Variants in TMTC2 observed in about 807,000 individuals in gnomAD.
The protein encoded by TMTC2 is protein O-mannosyl-transferase TMTC2.
TMTC2 carries 43 observed loss-of-function variants against 82.4 expected under a neutral mutation model. That is an observed-to-expected ratio of 0.52 (90% confidence interval 0.41 to 0.67). The LOEUF (loss-of-function observed/expected upper bound fraction) is 0.67, where lower values mean the gene tolerates loss of function less well. Ranked by LOEUF, TMTC2 falls within the 30% of genes least tolerant of loss-of-function variation. The probability of loss-of-function intolerance (pLI) is 0.00; values close to 1 mark genes in which losing one functional copy is unlikely to be tolerated. For synonymous variants in TMTC2, 408 were observed against 381.9 expected (o/e 1.07, Z -0.80); for missense variants, 919 against 1,012.4 (o/e 0.91, Z 1.25).
At position 82,877,661 on chromosome 12, in the gene TMTC2, C is replaced by T. The variant is rs1003114972; in HGVS notation, c.655-18157C>T. Among the ~76,000 whole-genome samples the T allele has an allele frequency of 2.6e-5, 4 of 152,018 alleles. No individual in the cohort carries two copies. The South Asian group carries it at 8.3e-4, about 32-fold the overall frequency. On this transcript the variant is annotated intron_variant, in intron 2 of 11. Coordinates refer to ENST00000321196, the MANE Select transcript of TMTC2 (RefSeq NM_152588.3). The stretch of plus-strand genomic sequence containing the variant: ...TATAACACTATATTCTTCTCCTGTT[C>T]TTCATTGATTAAAAAGTGACTTAAG...
chr12:83,046,332 C>G lies in TMTC2; in HGVS notation c.2153-4572C>G, dbSNP rs528541695. Among the ~76,000 whole-genome samples, 4 of 152,266 alleles carry G rather than the reference C, an allele frequency of 2.6e-5. No homozygotes were observed. The East Asian group carries it at 7.7e-4, about 29-fold the overall frequency. ...TGATTCTCAAAGTATGGACACTGAA[C>G]TGGCAGCATCAGCATCACCAGGGAA... On this transcript the variant is annotated intron_variant, in intron 9 of 11. Transcript: ENST00000321196.
At position 82,820,227 on chromosome 12, in the gene TMTC2, C is replaced by T. The variant is rs141981055; in HGVS notation, c.84-36783C>T. Among the ~76,000 whole-genome samples the T allele has an allele frequency of 6.0e-3, 917 of 152,242 alleles. 12 individuals carry two copies. Among genetic ancestry groups the T allele is most frequent in the African/African-American group, 0.021 (873 of 41,528 alleles). On this transcript the variant is annotated intron_variant, in intron 1 of 11. Coordinates refer to ENST00000321196, the MANE Select transcript of TMTC2 (RefSeq NM_152588.3). ...TGAGGGTGAGTCTGCCTTTCCGAGTCCACTGACTGAAATGTTAATCTCCTT... is the reference window on the plus strand; with the variant it reads ...TGAGGGTGAGTCTGCCTTTCCGAGTTCACTGACTGAAATGTTAATCTCCTT...
At chr12:82,883,566 T>C (rs1342486410) in intron 2 of TMTC2, among the ~76,000 whole-genome samples, 1 of 152,214 alleles carries the variant, frequency 6.6e-6, no homozygotes, top group East Asian at 1.9e-4. Context: ...TCCAAAATGC[T>C]GGGCTCACAT....
chr12:82,986,272 T>C, intron 8 of TMTC2: 1 of 511,868 alleles, frequency 2.0e-6, no homozygotes, highest in South Asian at 2.4e-5. Context: ...CATCTTGATC[T>C]AGATAATATG....
intron 3 of TMTC2, among the ~76,000 whole-genome samples, chr12:82,925,000 T>A (rs1038642235): frequency 4.6e-5 from 7 of 152,180 alleles, no homozygotes; most frequent in Admixed American, 4.6e-4. Flanking sequence ...GCCACTCAAC[T>A]GACTGGTGTT....
intron 1 of TMTC2, among the ~76,000 whole-genome samples, chr12:82,818,389 G>A (rs538477075): frequency 6.6e-6 from 1 of 152,200 alleles, no homozygotes; most frequent in South Asian, 2.1e-4. Context: ...TCCAAAAAAT[G>A]AGGGATGACT....
chr12:83,106,457 C>T (rs1884399167), intron 11 of TMTC2, among the ~76,000 whole-genome samples: 1 of 149,432 alleles, frequency 6.7e-6, no homozygotes, highest in East Asian at 2.0e-4. Context: ...CGAGATCACG[C>T]CATTGCACTC....
chr12:82,855,132 C>T (rs775719801), intron 1 of TMTC2, among the ~76,000 whole-genome samples: 3 of 152,160 alleles, frequency 2.0e-5, no homozygotes, highest in Non-Finnish European at 2.9e-5. Flanking sequence ...AACTGAAGCT[C>T]AGAAAGGTTA....
At chr12:82,944,566 A>G (rs1876896403) in intron 4 of TMTC2, among the ~76,000 whole-genome samples, 1 of 2,066 alleles carries the variant, frequency 4.8e-4, no homozygotes, top group Non-Finnish European at 2.0e-3. Context: ...GACAGTCTCA[A>G]AAAAAAAAAA....
intron 1 of TMTC2, among the ~76,000 whole-genome samples, chr12:82,716,439 C>T (rs1231723391): frequency 6.6e-5 from 10 of 151,142 alleles, no homozygotes; most frequent in Non-Finnish European, 1.5e-4. Flanking sequence ...TCTCGACTCA[C>T]TGCAAGCTCC....
chr12:82,713,483 G>T (rs1358917443), intron 1 of TMTC2, among the ~76,000 whole-genome samples: 2 of 152,178 alleles, frequency 1.3e-5, no homozygotes, highest in Non-Finnish European at 2.9e-5. Flanking sequence ...GTTCCATGTG[G>T]CTGGGGAAGC....
intron 8 of TMTC2, among the ~76,000 whole-genome samples, chr12:82,997,348 G>GTATATA (rs370359828): frequency 2.3e-4 from 5 of 21,598 alleles, no homozygotes; most frequent in African/African-American, 5.6e-4. Flanking sequence ...GTGTGTGTGT[G>GTATATA]TATATATATA....
rs191734552 is a variant in TMTC2, at chr12:82,854,173, C to T, written c.84-2837C>T. 4.4e-3 allele frequency among the ~76,000 whole-genome samples: 667 copies of T among 152,232 alleles called. 1 individual carries two copies. Among genetic ancestry groups the T allele is most frequent in the Non-Finnish European group, 6.9e-3 (466 of 68,006 alleles). ...CAAAATGGAAAATCAATCTACTGTT[C>T]TGTAATAGGTCTTCTTTTAATAAAG... On this transcript the variant is annotated intron_variant, in intron 1 of 11. Coordinates refer to ENST00000321196, the MANE Select transcript of TMTC2 (RefSeq NM_152588.3).
At chr12:82,782,592 T>G (rs1270392809) in intron 1 of TMTC2, among the ~76,000 whole-genome samples, 1 of 152,186 alleles carries the variant, frequency 6.6e-6, no homozygotes, top group Non-Finnish European at 1.5e-5. Context: ...ATCTCACTCA[T>G]GATCACTTTG....
intron 3 of TMTC2, among the ~76,000 whole-genome samples, chr12:82,912,926 T>G (rs1339165594): frequency 8.0e-6 from 1 of 124,236 alleles, no homozygotes; most frequent in Non-Finnish European, 1.6e-5. Context: ...GTGACAGAGT[T>G]GAGACCTTGT....
chr12:82,738,657 GTTAAAAATGCTGTCATTC>G, intron 1 of TMTC2, among the ~76,000 whole-genome samples: 1 of 152,276 alleles, frequency 6.6e-6, no homozygotes, highest in East Asian at 1.9e-4. Context: ...AAACGTGATA[GTTAAAAATGCTGTCATTC>G]ATATGGAATG....
chr12:82,850,594 C>A (rs1292055814), intron 1 of TMTC2, among the ~76,000 whole-genome samples: 2 of 151,812 alleles, frequency 1.3e-5, no homozygotes, highest in African/African-American at 4.8e-5. Flanking sequence ...ACAAGGTCCT[C>A]AAAAAGATAG....
intron 1 of TMTC2, among the ~76,000 whole-genome samples, chr12:82,827,905 T>TC (rs200754797): frequency 0.01 from 1,574 of 151,300 alleles, 28 homozygotes; most frequent in African/African-American, 0.037. Context: ...TTTTTTTTTT[T>TC]CTTTTGAGAC....
At chr12:82,710,946 A>G (rs1480586918) in intron 1 of TMTC2, among the ~76,000 whole-genome samples, 1 of 152,238 alleles carries the variant, frequency 6.6e-6, no homozygotes, top group Non-Finnish European at 1.5e-5. Context: ...AATGAATCGT[A>G]TAGCCTCTGG....
Sources: allele counts gnomAD v4.1 joint callset (sites outside exome capture counted in the v4.1 genomes callset), GRCh38; gene constraint gnomAD v4.1.1; transcripts MANE v1.5; gene names NCBI Gene and HGNC (gene_info 2026-07-23, HGNC 2026-07-21).